Variants in CDK14 observed in about 807,000 individuals in gnomAD.
CDK14 encodes the protein cyclin dependent kinase 14.
In CDK14, 34 loss-of-function variants were observed where a neutral mutation model predicts 60.7. That is an observed-to-expected ratio of 0.56 (90% CI 0.43 to 0.75). CDK14 has a LOEUF of 0.75. Ranked by LOEUF, CDK14 falls within the 30% of genes least tolerant of loss-of-function variation. The pLI, the probability that CDK14 is intolerant of heterozygous loss-of-function variation, is 0.00. For missense variants in CDK14, 482 were observed against 564.1 expected (o/e 0.85, Z 1.47); for synonymous variants, 197 against 203.7 (o/e 0.97, Z 0.28).
chr7:90,925,861 T>C (rs978233889), intron 8 of CDK14, among the ~76,000 whole-genome samples: 6 of 152,218 alleles, frequency 3.9e-5, no homozygotes, highest in Non-Finnish European at 8.8e-5. Flanking sequence ...AGAAGATCTA[T>C]GTGGGGAAAT....
At chr7:90,767,574 G>A (rs1041827453) in intron 4 of CDK14, among the ~76,000 whole-genome samples, 1 of 151,994 alleles carries the variant, frequency 6.6e-6, no homozygotes, top group Non-Finnish European at 1.5e-5. Flanking sequence ...ATTTATTTTG[G>A]ACAAGGTTTT....
intron 14 of CDK14, among the ~76,000 whole-genome samples, chr7:91,141,172 G>A (rs1356857698): frequency 1.3e-5 from 2 of 152,236 alleles, no homozygotes; most frequent in Non-Finnish European, 2.9e-5. Context: ...AAGCAAGAAA[G>A]TGGAAGCAGT....
chr7:91,016,855 G>A (rs530931113), intron 10 of CDK14, among the ~76,000 whole-genome samples: 8 of 152,192 alleles, frequency 5.3e-5, no homozygotes, highest in African/African-American at 1.7e-4. Flanking sequence ...TAGTAACTTC[G>A]CATACACCAG....
chr7:91,059,025 G>A lies in CDK14; in HGVS notation c.1105+13065G>A, dbSNP rs146252106. Among the ~76,000 whole-genome samples, 56 of 152,244 alleles carry A rather than the reference G, an allele frequency of 3.7e-4. No homozygotes were observed. In the East Asian group the frequency reaches 6.0e-3, roughly 16 times the overall value. On this transcript the variant is annotated intron_variant, in intron 11 of 14. Coordinates refer to ENST00000380050, the MANE Select transcript of CDK14 (RefSeq NM_001287135.2). ...TCTGGTAGAATTCGACTATGAGTCC[G>A]TCTGGTCCTGGACTTGTTTTGGTTG...
rs567447323 is a variant in CDK14, at chr7:90,812,191, G to A, written c.544+21539G>A. Among the ~76,000 whole-genome samples, 1,067 of 152,242 alleles carry A rather than the reference G, an allele frequency of 7.0e-3. 6 individuals are homozygous for A. The highest frequency in any genetic ancestry group is 8.9e-3 in the Non-Finnish European group (607 of 68,012). ...ATGTATGTTTATTGTGGCACTATTA[G>A]CAATAGCAAAGACTTGGAACCAACC... On this transcript the variant is annotated intron_variant, in intron 5 of 14. Coordinates refer to ENST00000380050, the MANE Select transcript of CDK14 (RefSeq NM_001287135.2).
At chr7:90,741,121 G>A (rs1211155793) in intron 3 of CDK14, among the ~76,000 whole-genome samples, 3 of 152,176 alleles carry the variant, frequency 2.0e-5, no homozygotes, top group African/African-American at 7.2e-5. Flanking sequence ...ATTGTGTCCA[G>A]CTGTGCAGAT....
intron 2 of CDK14, among the ~76,000 whole-genome samples, chr7:90,632,782 A>G (rs1317550949): frequency 6.6e-6 from 1 of 152,136 alleles, no homozygotes; most frequent in African/African-American, 2.4e-5. Context: ...TTGTCACTAG[A>G]AACATTGTGA....
chr7:90,765,983 T>A (rs1445227730), intron 4 of CDK14, among the ~76,000 whole-genome samples: 1 of 152,320 alleles, frequency 6.6e-6, no homozygotes, highest in East Asian at 1.9e-4. Flanking sequence ...TTTCTAATAA[T>A]GTGTAGATAT....
chr7:90,667,018 T>A (rs757836017), intron 2 of CDK14, among the ~76,000 whole-genome samples: 13 of 152,242 alleles, frequency 8.5e-5, no homozygotes, highest in Non-Finnish European at 1.5e-4. Context: ...TAACTTTTTC[T>A]TGCTGAACTA....
At chr7:90,619,461 A>G (rs544910854) in intron 2 of CDK14, among the ~76,000 whole-genome samples, 153 of 152,304 alleles carry the variant, frequency 1.0e-3, no homozygotes, top group African/African-American at 3.5e-3. Flanking sequence ...GATACCTGCA[A>G]CTTTCTAGAT....
chr7:90,853,189 G>C (rs1790706173), intron 5 of CDK14, among the ~76,000 whole-genome samples: 1 of 152,070 alleles, frequency 6.6e-6, no homozygotes, highest in African/African-American at 2.4e-5. Flanking sequence ...GATTGGAAAG[G>C]CCATATAATT....
intron 2 of CDK14, among the ~76,000 whole-genome samples, chr7:90,721,485 G>A (rs947816025): frequency 1.3e-5 from 2 of 151,882 alleles, no homozygotes; most frequent in Non-Finnish European, 2.9e-5. Context: ...CAGTTTGATC[G>A]TTGGGAGCTC....
intron 12 of CDK14, among the ~76,000 whole-genome samples, chr7:91,096,571 A>G (rs964619046): frequency 6.6e-6 from 1 of 152,164 alleles, no homozygotes; most frequent in South Asian, 2.1e-4. Flanking sequence ...TTTAAAAAAA[A>G]AAGAAAAGAA....
chr7:90,598,926 G>C (rs992549109), intron 1 of CDK14, among the ~76,000 whole-genome samples: 2 of 151,540 alleles, frequency 1.3e-5, no homozygotes, highest in Non-Finnish European at 2.9e-5. Flanking sequence ...GGATGGTCTC[G>C]ATCTCCTGAC....
chr7:90,780,410 ATTTT>A (rs1337228499), intron 4 of CDK14, among the ~76,000 whole-genome samples: 4 of 151,146 alleles, frequency 2.6e-5, no homozygotes, highest in Non-Finnish European at 5.9e-5. Flanking sequence ...TTATTTATTT[ATTTT>A]TATTTTTATT....
intron 2 of CDK14, among the ~76,000 whole-genome samples, chr7:90,657,984 AATT>A (rs941003224): frequency 3.9e-5 from 6 of 152,186 alleles, no homozygotes; most frequent in African/African-American, 1.2e-4. Flanking sequence ...CTGTAGGATC[AATT>A]ATTATGTTGA....
At chr7:91,050,996 A>G (rs921832890) in intron 11 of CDK14, among the ~76,000 whole-genome samples, 1 of 152,190 alleles carries the variant, frequency 6.6e-6, no homozygotes, top group Admixed American at 6.5e-5. Flanking sequence ...GTGCATCACA[A>G]TTTCTCATTG....
At chr7:91,031,955 C>G (rs551930424) in intron 10 of CDK14, among the ~76,000 whole-genome samples, 20 of 152,318 alleles carry the variant, frequency 1.3e-4, no homozygotes, top group African/African-American at 4.6e-4. Context: ...TTCCGTCTGT[C>G]AGTCTTTGCC....
At chr7:90,871,574 G>T (rs1791373927) in intron 6 of CDK14, among the ~76,000 whole-genome samples, 1 of 152,148 alleles carries the variant, frequency 6.6e-6, no homozygotes, top group Admixed American at 6.5e-5. Context: ...TGTGTTTTCT[G>T]TAAATTATGT....
Sources: allele counts gnomAD v4.1 joint callset (sites outside exome capture counted in the v4.1 genomes callset), GRCh38; gene constraint gnomAD v4.1.1; transcripts MANE v1.5; gene names NCBI Gene and HGNC (gene_info 2026-07-23, HGNC 2026-07-21).